Variants in RALYL observed in about 807,000 individuals in gnomAD.
The protein encoded by RALYL is RNA-binding Raly-like protein.
RALYL carries 29 observed loss-of-function variants against 35.1 expected under a neutral mutation model. That is an observed-to-expected ratio of 0.83 (90% CI 0.61 to 1.13). The LOEUF is 1.13. RALYL is among the 50% of genes most tolerant of loss of function. RALYL has a pLI of 0.00. For missense variants in RALYL, 359 were observed against 360.4 expected (o/e 1.00, Z 0.03); for synonymous variants, 120 against 127.6 (o/e 0.94, Z 0.40).
At chr8:84,670,827 C>T (rs539906336) in intron 2 of RALYL, among the ~76,000 whole-genome samples, 1 of 152,262 alleles carries the variant, frequency 6.6e-6, no homozygotes, top group Admixed American at 6.5e-5. Flanking sequence ...AGAGCCAAAT[C>T]ATATCATTCT....
At chr8:84,576,416 A>G (rs144559281) in intron 2 of RALYL, among the ~76,000 whole-genome samples, 79 of 152,320 alleles carry the variant, frequency 5.2e-4, no homozygotes, top group African/African-American at 1.8e-3. Flanking sequence ...AGAAAAAACA[A>G]TTGTGCCAAC....
chr8:84,641,124 C>G (rs953888002), intron 2 of RALYL, among the ~76,000 whole-genome samples: 6 of 151,088 alleles, frequency 4.0e-5, no homozygotes, highest in Non-Finnish European at 8.9e-5. Context: ...AAATTATTAT[C>G]TTTTCTTTAT....
chr8:84,705,188 T>C (rs1196854594), intron 2 of RALYL, among the ~76,000 whole-genome samples: 1 of 152,194 alleles, frequency 6.6e-6, no homozygotes, highest in Non-Finnish European at 1.5e-5. Flanking sequence ...CAAGCTATAA[T>C]GAAGGCAGAG....
intron 1 of RALYL, among the ~76,000 whole-genome samples, chr8:84,378,050 C>T (rs924088896): frequency 1.3e-5 from 2 of 151,916 alleles, no homozygotes; most frequent in Admixed American, 6.6e-5. Context: ...AGAACACATG[C>T]TCTTCAATGT....
intron 1 of RALYL, among the ~76,000 whole-genome samples, chr8:84,491,682 C>T (rs2055328164): frequency 6.6e-6 from 1 of 151,906 alleles, no homozygotes; most frequent in South Asian, 2.1e-4. Context: ...AACAAAACAA[C>T]TTTTTGCTAT....
intron 2 of RALYL, among the ~76,000 whole-genome samples, chr8:84,757,152 G>T (rs570894813): frequency 2.0e-5 from 3 of 152,044 alleles, no homozygotes; most frequent in Non-Finnish European, 2.9e-5. Flanking sequence ...ATAAAATTTA[G>T]AGATATTTTT....
At position 84,845,924 on chromosome 8, in the gene RALYL, A is replaced by G. The variant is rs118128347; in HGVS notation, c.366-4056A>G. 6.2e-3 allele frequency among the ~76,000 whole-genome samples: 935 copies of G among 151,962 alleles called. 41 individuals are homozygous for G. In the East Asian group the frequency reaches 0.066, roughly 11 times the overall value. On this transcript the variant is annotated intron_variant, in intron 4 of 8. Transcript: ENST00000521268. ...TTTCCTTATTGCTTAGTTTTGTTGA[A>G]TTTTTCAGAGATTAGATGGCTGTAG...
At chr8:84,240,873 A>G (rs571419697) in intron 1 of RALYL, among the ~76,000 whole-genome samples, 2 of 152,342 alleles carry the variant, frequency 1.3e-5, no homozygotes, top group East Asian at 1.9e-4. Flanking sequence ...ATAGATACAC[A>G]TAGCTTCAGA....
In RALYL at chr8:84,656,375, T is replaced by A. The variant is rs376057688; in HGVS notation, c.257-118204T>A. Among the ~76,000 whole-genome samples, 6 of 152,236 alleles carry A rather than the reference T, an allele frequency of 3.9e-5. No homozygotes were observed. In the East Asian group the frequency reaches 9.7e-4, roughly 25 times the overall value. ...TTCTTGAAATAGGGTTTTCTACTTATAGGAATATGACCAGACTCACTTAAA... is the reference window on the plus strand; with the variant it reads ...TTCTTGAAATAGGGTTTTCTACTTAAAGGAATATGACCAGACTCACTTAAA... On this transcript the variant is annotated intron_variant, in intron 2 of 8. Coordinates refer to ENST00000521268, the MANE Select transcript of RALYL (RefSeq NM_173848.7).
chr8:84,722,263 A>G (rs1193392119), intron 2 of RALYL, among the ~76,000 whole-genome samples: 2 of 152,062 alleles, frequency 1.3e-5, no homozygotes, highest in African/African-American at 4.8e-5. Flanking sequence ...TGTTCATTTT[A>G]TATTCTGGAC....
intron 1 of RALYL, among the ~76,000 whole-genome samples, chr8:84,267,920 T>G (rs1215675916): frequency 1.3e-5 from 2 of 152,198 alleles, no homozygotes; most frequent in Non-Finnish European, 2.9e-5. Flanking sequence ...TATGCTAGAT[T>G]CAGTATCAGG....
intron 2 of RALYL, among the ~76,000 whole-genome samples, chr8:84,692,421 G>T (rs917813761): frequency 9.9e-5 from 15 of 151,942 alleles, no homozygotes; most frequent in Admixed American, 2.0e-4. Context: ...TTTTAAAGGG[G>T]TATCACTTAG....
chr8:84,569,469 G>C (rs985340457), intron 2 of RALYL, among the ~76,000 whole-genome samples: 3 of 151,702 alleles, frequency 2.0e-5, no homozygotes, highest in Admixed American at 6.6e-5. Flanking sequence ...GTTTTTTGTA[G>C]ATTCTAGATA....
intron 2 of RALYL, among the ~76,000 whole-genome samples, chr8:84,694,556 TACTC>T (rs1197060963): frequency 6.6e-6 from 1 of 151,844 alleles, no homozygotes; most frequent in Non-Finnish European, 1.5e-5. Flanking sequence ...TTCAATGAAA[TACTC>T]ACCATAATTC....
chr8:84,771,035 G>C (rs1815353972), intron 2 of RALYL, among the ~76,000 whole-genome samples: 1 of 151,864 alleles, frequency 6.6e-6, no homozygotes, highest in African/African-American at 2.4e-5. Flanking sequence ...CTGCACAGAA[G>C]CTTTTTTTTC....
chr8:84,858,820 T>A lies in RALYL; in HGVS notation c.414-3476T>A, dbSNP rs532540003. 5.8e-4 allele frequency among the ~76,000 whole-genome samples: 89 copies of A among 152,192 alleles called. 1 individual carries two copies. The highest frequency in any genetic ancestry group is 8.7e-4 in the Non-Finnish European group (59 of 68,020). On this transcript the variant is annotated intron_variant, in intron 5 of 8. Coordinates refer to ENST00000521268, the MANE Select transcript of RALYL (RefSeq NM_173848.7). Reference sequence around the variant, plus strand: ...TTCCCCGCTTTCTATCCTTGTCTTGTTATGTTTTTGTACATTAGGACAACA... The same window carrying A: ...TTCCCCGCTTTCTATCCTTGTCTTGATATGTTTTTGTACATTAGGACAACA...
intron 1 of RALYL, among the ~76,000 whole-genome samples, chr8:84,338,465 TA>T (rs11371775): frequency 0.052 from 7,098 of 137,324 alleles, 177 homozygotes; most frequent in African/African-American, 0.067. Context: ...GTACTGCAAT[TA>T]AAAAAAAAAA....
intron 3 of RALYL, among the ~76,000 whole-genome samples, chr8:84,788,288 G>C (rs1451166716): frequency 6.6e-6 from 1 of 152,118 alleles, no homozygotes; most frequent in Non-Finnish European, 1.5e-5. Context: ...ACAACCATAT[G>C]ATCTTTGACA....
chr8:84,775,053 G>A (rs1307408815), intron 3 of RALYL, among the ~76,000 whole-genome samples: 3 of 152,178 alleles, frequency 2.0e-5, no homozygotes, highest in South Asian at 2.1e-4. Context: ...AGGTTCAAGC[G>A]ATTCTCCTGC....
Sources: gnomAD v4.1 joint callset for allele counts (sites outside exome capture counted in the v4.1 genomes callset) on GRCh38, gnomAD v4.1.1 for gene constraint, MANE v1.5 for transcripts, NCBI Gene and HGNC (gene_info 2026-07-23, HGNC 2026-07-21) for gene names.